The following RIMS2 variants were observed in gnomAD, a reference collection of about 807,000 sequenced individuals.
The protein encoded by RIMS2 is regulating synaptic membrane exocytosis 2.
A neutral mutation model predicts 174.4 loss-of-function variants in RIMS2; 59 were observed. The ratio of observed to expected loss-of-function variants is 0.34; its 90% CI spans 0.27 to 0.42. The LOEUF (loss-of-function observed/expected upper bound fraction) is 0.42. Ranked by LOEUF, RIMS2 falls within the 10% of genes least tolerant of loss-of-function variation. The pLI is 1.00. For missense variants in RIMS2, 1,620 were observed against 1,666.3 expected (o/e 0.97, Z 0.48); for synonymous variants, 606 against 572.5 (o/e 1.06, Z -0.84).
chr8:103,824,286 T>C (rs1056570133), intron 3 of RIMS2, among the ~76,000 whole-genome samples: 2 of 152,152 alleles, frequency 1.3e-5, no homozygotes, highest in African/African-American at 4.8e-5. Context: ...TTTTAAAAGT[T>C]GAAAATAATT....
At chr8:103,915,745 T>G in intron 7 of RIMS2, 151 bp downstream of exon 10, 1 of 442,624 alleles carries the variant, frequency 2.3e-6, no homozygotes, top group Non-Finnish European at 4.0e-6. Flanking sequence ...GGCAAAACTA[T>G]TATTTCTTGA....
chr8:104,101,560 A>T (rs919003965), intron 19 of RIMS2, among the ~76,000 whole-genome samples: 4 of 151,810 alleles, frequency 2.6e-5, no homozygotes, highest in Non-Finnish European at 4.4e-5. Context: ...ATACATATAG[A>T]TACACACACA....
chr8:103,681,503 AT>A (rs1364308959), intron 1 of RIMS2, among the ~76,000 whole-genome samples: 16 of 152,062 alleles, frequency 1.1e-4, no homozygotes, highest in Admixed American at 1.0e-3. Context: ...GATCAATTAT[AT>A]TATGGATACC....
At chr8:103,559,375 G>A in intron 1 of RIMS2, 1 of 314,316 alleles carries the variant, frequency 3.2e-6, no homozygotes, top group Non-Finnish European at 6.1e-6. Flanking sequence ...CGGAGCTGGT[G>A]TCCACGGCTG....
chr8:104,253,771 G>A (rs537970693), downstream of RIMS2: 2 of 152,086 alleles, frequency 1.3e-5, no homozygotes, highest in African/African-American at 4.8e-5. Context: ...CATCTCATTT[G>A]TTTAAATTAA....
At chr8:104,166,106 G>A (rs1050696414) in intron 19 of RIMS2, among the ~76,000 whole-genome samples, 2 of 133,134 alleles carry the variant, frequency 1.5e-5, no homozygotes, top group African/African-American at 5.7e-5. Flanking sequence ...TCGCTCTGTC[G>A]CCCAGGCTGG....
chr8:103,838,823 T>G (rs924051381), intron 3 of RIMS2, among the ~76,000 whole-genome samples: 1 of 152,198 alleles, frequency 6.6e-6, no homozygotes, highest in Non-Finnish European at 1.5e-5. Flanking sequence ...CCCAGCACTT[T>G]GGGAGGCCGA....
chr8:103,644,899 G>A (rs1406791983), intron 1 of RIMS2, among the ~76,000 whole-genome samples: 1 of 151,864 alleles, frequency 6.6e-6, no homozygotes, highest in East Asian at 1.9e-4. Context: ...ACTTGTCACT[G>A]ATTAAGAGCA....
At chr8:103,592,585 G>A (rs1347696274) in intron 1 of RIMS2, among the ~76,000 whole-genome samples, 6 of 151,318 alleles carry the variant, frequency 4.0e-5, no homozygotes, top group African/African-American at 1.4e-4. Flanking sequence ...AGTGTGATAT[G>A]TGGACCACTG....
intron 1 of RIMS2, among the ~76,000 whole-genome samples, chr8:103,599,589 C>T (rs1023911971): frequency 1.3e-5 from 2 of 151,484 alleles, no homozygotes; most frequent in Non-Finnish European, 2.9e-5. Flanking sequence ...TAGCTGCACA[C>T]CACCATGCCT....
intron 19 of RIMS2, among the ~76,000 whole-genome samples, chr8:104,123,116 A>C (rs1000431600): frequency 1.3e-5 from 2 of 152,100 alleles, no homozygotes; most frequent in African/African-American, 4.8e-5. Flanking sequence ...TTAGACAAAG[A>C]AAAATTTGCA....
chr8:103,741,056 A>G (rs956418444), intron 2 of RIMS2, among the ~76,000 whole-genome samples: 1 of 152,054 alleles, frequency 6.6e-6, no homozygotes, highest in African/African-American at 2.4e-5. Flanking sequence ...GTTTTGAAAA[A>G]TTTCTATTGG....
chr8:103,847,276 T>G (rs1052833644), intron 3 of RIMS2, among the ~76,000 whole-genome samples: 3 of 152,060 alleles, frequency 2.0e-5, no homozygotes, highest in Non-Finnish European at 4.4e-5. Flanking sequence ...ATTCTACGTA[T>G]CGGGGGCATA....
chr8:103,925,615 T>C (rs1181476891), intron 10 of RIMS2, among the ~76,000 whole-genome samples: 3 of 151,560 alleles, frequency 2.0e-5, no homozygotes, highest in African/African-American at 4.8e-5. Flanking sequence ...TGAATTGTTA[T>C]AGAGATCATC....
intron 3 of RIMS2, among the ~76,000 whole-genome samples, chr8:103,783,967 G>A (rs1483488566): frequency 6.6e-6 from 1 of 151,838 alleles, no homozygotes; most frequent in African/African-American, 2.4e-5. Context: ...ATTCTAACTG[G>A]TGTGAGATGG....
intron 19 of RIMS2, among the ~76,000 whole-genome samples, chr8:104,215,968 C>G (rs973592664): frequency 2.0e-5 from 3 of 152,172 alleles, no homozygotes; most frequent in Non-Finnish European, 2.9e-5. Context: ...TTTCTGCCTA[C>G]CAAACATCCT....
At chr8:103,817,693 C>T (rs2098726562) in intron 3 of RIMS2, among the ~76,000 whole-genome samples, 1 of 152,050 alleles carries the variant, frequency 6.6e-6, no homozygotes, top group African/African-American at 2.4e-5. Flanking sequence ...GGCAGAATTG[C>T]TTGAACCTGG....
chr8:103,544,554 C>T (rs2131359043), intron 1 of RIMS2, among the ~76,000 whole-genome samples: 2 of 152,318 alleles, frequency 1.3e-5, no homozygotes, highest in South Asian at 4.1e-4. Flanking sequence ...TCCCCCACCT[C>T]TTACAGCCAC....
chr8:104,047,808 G>A (rs767443460), intron 19 of RIMS2, among the ~76,000 whole-genome samples: 5 of 152,024 alleles, frequency 3.3e-5, no homozygotes, highest in Non-Finnish European at 5.9e-5. Flanking sequence ...TATGCATCAA[G>A]CTTATTGCAC....
Sources: gnomAD v4.1 joint callset for allele counts (sites outside exome capture counted in the v4.1 genomes callset) on GRCh38, gnomAD v4.1.1 for gene constraint, MANE v1.5 for transcripts, NCBI Gene and HGNC (gene_info 2026-07-23, HGNC 2026-07-21) for gene names.